The following LINS1 variants were observed in gnomAD, a reference collection of about 807,000 sequenced individuals.
The protein encoded by LINS1 is lines homolog 1, also known as protein Lines homolog 1.
In LINS1, 27 loss-of-function variants were observed where a neutral mutation model predicts 41.6. That is an observed-to-expected ratio of 0.65 (90% CI 0.48 to 0.89). LINS1 has a LOEUF of 0.89. Ranked by LOEUF, LINS1 falls within the 40% of genes least tolerant of loss-of-function variation. LINS1 has a pLI of 0.00. For synonymous variants in LINS1, 336 were observed against 312.9 expected, an observed-to-expected ratio of 1.07 and a Z score of -0.78; for missense variants, 955 against 884.1, an observed-to-expected ratio of 1.08 and a Z score of -1.02.
intron 5 of LINS1, chr15:100,573,265 G>T (rs2037945665): frequency 3.6e-6 from 2 of 558,564 alleles, no homozygotes; most frequent in Non-Finnish European, 4.7e-6. Flanking sequence ...ATGGGCCGAA[G>T]GGGGGTCAGG....
chr15:100,590,312 A>T (rs2038977255), intron 1 of LINS1, among the ~76,000 whole-genome samples: 1 of 152,244 alleles, frequency 6.6e-6, no homozygotes, highest in Non-Finnish European at 1.5e-5. Flanking sequence ...CCAGCCTCGT[A>T]TATGAATAAC....
At chr15:100,594,430 T>C (rs1352397825) in intron 1 of LINS1, among the ~76,000 whole-genome samples, 1 of 152,084 alleles carries the variant, frequency 6.6e-6, no homozygotes, top group Non-Finnish European at 1.5e-5. Context: ...CTGCTGTCAG[T>C]GACACGGTTT....
At chr15:100,578,315 A>G (rs997183452) in intron 3 of LINS1, among the ~76,000 whole-genome samples, 1 of 152,198 alleles carries the variant, frequency 6.6e-6, no homozygotes, top group Non-Finnish European at 1.5e-5. Flanking sequence ...AAATAACTCA[A>G]ACAAATTTAC....
intron 3 of LINS1, among the ~76,000 whole-genome samples, chr15:100,578,006 C>T (rs1032881296): frequency 1.3e-5 from 2 of 152,118 alleles, no homozygotes; most frequent in African/African-American, 2.4e-5. Flanking sequence ...TTCCTTATAC[C>T]TTATACAAAA....
Position 100,571,897 on chromosome 15 carries a change from G to A in LINS1, c.1391C>T (p.Thr464Ile). Reference sequence around the variant, plus strand: ...AATTACTTTAAAATACACTAACCTGGTCAGTGTTAAGTAGATGCCCAGTGA... The same window carrying A: ...AATTACTTTAAAATACACTAACCTGATCAGTGTTAAGTAGATGCCCAGTGA... ...KASLGIYLTL[T>I]RGCEATESLT... The change falls in exon 6 of 7, where the codon ACC becomes ATC. Residue 464 changes from threonine (T) to isoleucine (I), a missense_variant. By Grantham distance (89) the Thr-to-Ile change is moderately conservative. Coordinates refer to ENST00000314742, the MANE Select transcript of LINS1 (RefSeq NM_001040616.3). 6.2e-7 allele frequency: 1 copy of A among 1,614,112 alleles called. No homozygotes were observed. Among genetic ancestry groups the A allele is most frequent in the Non-Finnish European group, 8.5e-7 (1 of 1,180,018 alleles).
chr15:100,571,468 C>G (rs911974558), intron 6 of LINS1, among the ~76,000 whole-genome samples: 1 of 152,156 alleles, frequency 6.6e-6, no homozygotes, highest in African/African-American at 2.4e-5. Flanking sequence ...AGCCCAAATT[C>G]GACTGAAACG....
chr15:100,599,393 T>C lies in LINS1; in HGVS notation c.-104+2728A>G, dbSNP rs566874386. Among the ~76,000 whole-genome samples the C allele has an allele frequency of 2.6e-4, 39 of 152,358 alleles. No individual in the cohort carries two copies. The Middle Eastern group carries it at 0.017, about 66-fold the overall frequency. ...TCTGTGAAACTTTGACAATATGATGTTACTTGGCTATGATATAATCATGTA... is the reference window on the plus strand; with the variant it reads ...TCTGTGAAACTTTGACAATATGATGCTACTTGGCTATGATATAATCATGTA... On this transcript the variant is annotated intron_variant, in intron 1 of 6. Coordinates refer to ENST00000314742, the MANE Select transcript of LINS1 (RefSeq NM_001040616.3).
At chr15:100,585,504 G>C (rs973512640) in intron 1 of LINS1, among the ~76,000 whole-genome samples, 1 of 152,178 alleles carries the variant, frequency 6.6e-6, no homozygotes, top group Non-Finnish European at 1.5e-5. Flanking sequence ...AGTCTGGGGA[G>C]GTTTGGCCTT....
intron 1 of LINS1, among the ~76,000 whole-genome samples, chr15:100,581,368 C>T (rs757286937): frequency 6.6e-6 from 1 of 152,106 alleles, no homozygotes; most frequent in African/African-American, 2.4e-5. Context: ...ATTTTGACAA[C>T]CAAAAAATGT....
chr15:100,598,530 G>A (rs2039341664), intron 1 of LINS1, among the ~76,000 whole-genome samples: 5 of 152,180 alleles, frequency 3.3e-5, no homozygotes, highest in Admixed American at 3.3e-4. Flanking sequence ...AACACACACT[G>A]AAGCACCATC....
intron 1 of LINS1, among the ~76,000 whole-genome samples, chr15:100,583,042 C>CAGCCT (rs1209205425): frequency 2.4e-5 from 3 of 124,892 alleles, no homozygotes; most frequent in Admixed American, 8.4e-5. Context: ...TACGGCCCAC[C>CAGCCT]AGCCTAGTCT....
chr15:100,596,073 A>T (rs1314908073), intron 1 of LINS1, among the ~76,000 whole-genome samples: 1 of 151,998 alleles, frequency 6.6e-6, no homozygotes, highest in African/African-American at 2.4e-5. Context: ...GCCCCAACAG[A>T]CTCCAGGAGA....
intron 5 of LINS1, chr15:100,572,270 C>T (rs952771736): frequency 5.8e-6 from 8 of 1,378,088 alleles, no homozygotes; most frequent in Admixed American, 2.9e-5. Context: ...TGACTCATTC[C>T]AGAGCATACA....
Position 100,580,653 on chromosome 15 carries a change from C to G in LINS1, c.190G>C (p.Val64Leu). The G allele has an allele frequency of 6.2e-7, 1 of 1,613,968 alleles. No individual in the cohort carries two copies. The highest frequency in any genetic ancestry group is 1.1e-5 in the South Asian group (1 of 91,080). Residue 64 changes from valine (V) to leucine (L), a missense_variant, in exon 2 of 7, where the codon GTT (valine) becomes CTT (leucine). Coordinates refer to ENST00000314742, the MANE Select transcript of LINS1 (RefSeq NM_001040616.3). ...GIQGRHQPISVGVAPIAVAPV... is the reference protein window; with the variant it reads ...GIQGRHQPISLGVAPIAVAPV... ...GCTACAGCAATGGGAGCCACACCAA[C>G]AGAGATGGGCTGATGCCTGCCCTGG...
chr15:100,569,877 A>G lies in LINS1; in HGVS notation c.1635T>C (p.Phe545=), dbSNP rs768700362. 12 of 1,613,724 alleles carry G rather than the reference A, an allele frequency of 7.4e-6. No homozygotes were observed. The African/African-American group carries it at 1.3e-4, about 18-fold the overall frequency. The change falls in exon 7 of 7, where the codon TTT becomes TTC. Residue 545 remains phenylalanine (F), a synonymous_variant. Coordinates refer to ENST00000314742, the MANE Select transcript of LINS1 (RefSeq NM_001040616.3). Reference sequence around the variant, plus strand: ...TGTCATATTTAGATTCAGTTGCATCAAAGTTATTGCAAATGGTGAAAAAAT... The same window carrying G: ...TGTCATATTTAGATTCAGTTGCATCGAAGTTATTGCAAATGGTGAAAAAAT... ...WDNFFTICNN[F]DATESKYDIS...
At chr15:100,590,264 C>T (rs530073030) in intron 1 of LINS1, among the ~76,000 whole-genome samples, 31 of 152,296 alleles carry the variant, frequency 2.0e-4, no homozygotes, top group Admixed American at 1.8e-3. Context: ...GTTGTATGCA[C>T]TTATGGGGTA....
At chr15:100,597,016 T>G (rs534079117) in intron 1 of LINS1, 45 of 152,342 alleles carry the variant, frequency 3.0e-4, no homozygotes, top group African/African-American at 1.1e-3. Flanking sequence ...CCTTTCATCA[T>G]AGAATATTTG....
intron 3 of LINS1, among the ~76,000 whole-genome samples, chr15:100,577,974 T>C (rs1045629463): frequency 1.3e-5 from 2 of 152,182 alleles, no homozygotes; most frequent in Non-Finnish European, 2.9e-5. Flanking sequence ...TAGCCATATG[T>C]AGAAAGCTGA....
chr15:100,580,851 C>T lies in LINS1; in HGVS notation c.-9G>A, dbSNP rs1173611090. On this transcript the variant is annotated 5_prime_UTR_variant, in exon 2 of 7. Transcript: ENST00000314742. ...TCACAGAAAACTTTCATTTTGACTT[C>T]CAAAATGTATCTTATAAGAAGGTCG... The T allele has an allele frequency of 8.1e-6, 13 of 1,608,100 alleles. No individual in the cohort carries two copies. The Admixed American group carries it at 1.8e-4, about 23-fold the overall frequency.
Sources: allele counts gnomAD v4.1 joint callset (sites outside exome capture counted in the v4.1 genomes callset), GRCh38; gene constraint gnomAD v4.1.1; transcripts MANE v1.5; gene names NCBI Gene and HGNC (gene_info 2026-07-23, HGNC 2026-07-21).